The following BRD4 variants were observed in gnomAD, a reference collection of about 807,000 sequenced individuals.
BRD4 encodes bromodomain-containing protein 4.
In BRD4, 16 loss-of-function variants were observed where a neutral mutation model predicts 142.1. The ratio of observed to expected loss-of-function variants is 0.11; its 90% CI spans 0.08 to 0.17. The LOEUF (loss-of-function observed/expected upper bound fraction) is 0.17, where lower values mean the gene tolerates loss of function less well. BRD4 is among the 10% of genes least tolerant of loss of function. BRD4 has a pLI of 1.00. For missense variants in BRD4, 1,424 were observed against 1,810.9 expected (o/e 0.79, Z 3.88); for synonymous variants, 833 against 707.5 (o/e 1.18, Z -2.82).
intron 11 of BRD4, chr19:15,248,856 G>C (rs1194562044): frequency 3.2e-6 from 1 of 316,664 alleles, no homozygotes; most frequent in Admixed American, 4.5e-5. Flanking sequence ...GAGGGAAGTA[G>C]TTAGGGTCCA....
At chr19:15,250,145 CCT>C (rs1466350585) in intron 11 of BRD4, among the ~76,000 whole-genome samples, 1 of 152,198 alleles carries the variant, frequency 6.6e-6, no homozygotes, top group Non-Finnish European at 1.5e-5. Context: ...CCACTGGCGG[CCT>C]CTCACTCTGG....
intron 11 of BRD4, chr19:15,249,190 C>T: frequency 6.2e-7 from 1 of 1,606,084 alleles, no homozygotes; most frequent in South Asian, 1.1e-5. Context: ...AGTCCTGTCC[C>T]TTTCACGGAA....
rs183321935 is a variant in BRD4 at position 15,239,050 on chromosome 19, C to A, written c.3782+9G>T. Reference sequence around the variant, plus strand: ...AGAGTCCCCATGCCCCACCCAGACACCCGCCCACCTCATGCGCTCCTGCCG... The same window carrying A: ...AGAGTCCCCATGCCCCACCCAGACAACCGCCCACCTCATGCGCTCCTGCCG... On this transcript the variant is annotated intron_variant, in intron 18 of 19. Coordinates refer to ENST00000679869, the MANE Select transcript of BRD4 (RefSeq NM_001379291.1). This position sits in a 1 kb window ranked among gnomAD's most constrained non-coding sequence, Gnocchi z 7.4. The A allele has an allele frequency of 1.1e-4, 170 of 1,584,988 alleles. 1 individual carries two copies. In the East Asian group the frequency reaches 1.8e-3, roughly 16 times the overall value.
chr19:15,274,825 C>T (rs1275950435), intron 1 of BRD4, among the ~76,000 whole-genome samples: 1 of 152,066 alleles, frequency 6.6e-6, no homozygotes, highest in East Asian at 1.9e-4. Flanking sequence ...TTCACCTTCT[C>T]ACCAGGCCTA....
At chr19:15,301,867 A>G (rs959253084) in intron 1 of BRD4, among the ~76,000 whole-genome samples, 2 of 137,530 alleles carry the variant, frequency 1.5e-5, no homozygotes, top group Admixed American at 7.1e-5. Context: ...GTCTCAAAGA[A>G]AAAAAAAAAA....
chr19:15,331,789 G>A (rs1261031561), intron 1 of BRD4: 2 of 150,350 alleles, frequency 1.3e-5, no homozygotes, highest in Non-Finnish European at 3.0e-5. Flanking sequence ...GAGGACCGCG[G>A]ACCGGGACAG....
At chr19:15,316,654 C>G (rs578235763) in intron 1 of BRD4, among the ~76,000 whole-genome samples, 1 of 152,332 alleles carries the variant, frequency 6.6e-6, no homozygotes, top group East Asian at 1.9e-4. Context: ...ACTTGGTTCT[C>G]TAGCGGAAAC....
intron 1 of BRD4, among the ~76,000 whole-genome samples, chr19:15,326,226 G>A (rs918674169): frequency 5.4e-5 from 8 of 149,104 alleles, no homozygotes; most frequent in African/African-American, 1.5e-4. Flanking sequence ...ACTTTGGGAC[G>A]CCGAGGTAGG....
At chr19:15,297,307 A>G (rs1029363095) in intron 1 of BRD4, among the ~76,000 whole-genome samples, 18 of 152,138 alleles carry the variant, frequency 1.2e-4, no homozygotes, top group African/African-American at 4.8e-5. Flanking sequence ...GAGCCTTCCA[A>G]GCTGCTCCTT....
At chr19:15,324,441 C>G (rs1199290306) in intron 1 of BRD4, among the ~76,000 whole-genome samples, 1 of 152,224 alleles carries the variant, frequency 6.6e-6, no homozygotes, top group Non-Finnish European at 1.5e-5. Context: ...TTCTTCTGGT[C>G]AAAAGGCCCA....
At chr19:15,293,701 A>C (rs2047801791) in intron 1 of BRD4, among the ~76,000 whole-genome samples, 1 of 152,226 alleles carries the variant, frequency 6.6e-6, no homozygotes, top group South Asian at 2.1e-4. Context: ...TTTTAGGTGT[A>C]CAATTCAGTG....
rs1555749912 is a variant in BRD4 at position 15,332,508 on chromosome 19, G to GCCGCCC, written c.-254_-253insGGGCGG. On this transcript the variant is annotated 5_prime_UTR_variant, in exon 1 of 20. Transcript: ENST00000679869. ...GACCAGAACAAACAGCCCAGCCGCC[G>GCCGCCC]CCGCCGCCGCCGCCGCCGCCGCCAG... 6.4e-6 allele frequency: 1 copy of GCCGCCC among 155,788 alleles called. No individual in the cohort carries two copies. The highest frequency in any genetic ancestry group is 3.0e-5 in the African/African-American group (1 of 33,486). The allele number at this position is 155,788 out of a possible 1,614,324, so 9.7% of individuals were successfully genotyped here.
Position 15,239,352 on chromosome 19 carries a change from G to C in BRD4, c.3576+40C>G, listed in dbSNP as rs1249942537. The C allele has an allele frequency of 1.2e-6, 2 of 1,614,124 alleles. No homozygotes were observed. The highest frequency in any genetic ancestry group is 1.7e-6 in the Non-Finnish European group (2 of 1,180,032). Reference sequence around the variant, plus strand: ...GTGTGCCCAGCATGGCACCTTCCAGGGCCAAGGGGCAAGCGACACCCATGG... The same window carrying C: ...GTGTGCCCAGCATGGCACCTTCCAGCGCCAAGGGGCAAGCGACACCCATGG... On this transcript the variant is annotated intron_variant, in intron 17 of 19. Coordinates refer to ENST00000679869, the MANE Select transcript of BRD4 (RefSeq NM_001379291.1). The surrounding 1 kb of genome is among the most constrained non-coding windows in gnomAD (Gnocchi z 7.4).
At chr19:15,287,939 C>T (rs538639901) in intron 1 of BRD4, among the ~76,000 whole-genome samples, 8 of 151,918 alleles carry the variant, frequency 5.3e-5, no homozygotes, top group Admixed American at 6.6e-5. Context: ...TGGCTAATTT[C>T]TGTATTTTTA....
intron 14 of BRD4, among the ~76,000 whole-genome samples, chr19:15,240,953 T>C (rs2047233498): frequency 6.6e-6 from 1 of 152,208 alleles, no homozygotes; most frequent in Non-Finnish European, 1.5e-5. Context: ...ACAGGCACCC[T>C]TGGGTTCTCC....
At position 15,236,962 on chromosome 19, in the gene BRD4, T is replaced by C. The variant is rs976494190; in HGVS notation, c.*1415A>G. On this transcript the variant is annotated 3_prime_UTR_variant, in exon 20 of 20. Coordinates refer to ENST00000679869, the MANE Select transcript of BRD4 (RefSeq NM_001379291.1). ...ACACTGAGGCACCAGCGTCGTGGTGTAGAGTGGGTTCTCATGGCACGCGTA... is the reference window on the plus strand; with the variant it reads ...ACACTGAGGCACCAGCGTCGTGGTGCAGAGTGGGTTCTCATGGCACGCGTA... The C allele has an allele frequency of 4.9e-6, 1 of 203,892 alleles. No homozygotes were observed. The highest frequency in any genetic ancestry group is 9.9e-6 in the Non-Finnish European group (1 of 101,286). The allele number at this position is 203,892 out of a possible 1,614,324, so 12.6% of individuals were successfully genotyped here. A position where few individuals can be genotyped will look rare whatever the true frequency, so the allele number is the denominator to read the frequency against.
rs183683175 is a variant in BRD4, at chr19:15,247,557, C to T, written c.2159-2795G>A. 1.5e-4 allele frequency: 34 copies of T among 233,078 alleles called. 1 individual carries two copies. The East Asian group carries it at 1.7e-3, about 12-fold the overall frequency. The allele number at this position is 233,078 out of a possible 1,614,324, so 14.4% of individuals were successfully genotyped here. On this transcript the variant is annotated intron_variant, in intron 11 of 19. Transcript: ENST00000679869. The stretch of plus-strand genomic sequence containing the variant: ...CTTGTGGCTATGGCCCATGTGCACA[C>T]GTGTGTGCGCGTGCGTGCGTGTGTC...
intron 11 of BRD4, among the ~76,000 whole-genome samples, chr19:15,251,673 G>A (rs2047348864): frequency 6.6e-6 from 1 of 152,194 alleles, no homozygotes; most frequent in South Asian, 2.1e-4. Context: ...GGACAGGGCA[G>A]CAGAAGGCTG....
intron 9 of BRD4, among the ~76,000 whole-genome samples, 169 bp downstream of exon 9, chr19:15,255,895 G>A (rs930836053): frequency 6.6e-6 from 1 of 152,250 alleles, no homozygotes; most frequent in Non-Finnish European, 1.5e-5. Context: ...CAGAGACAGT[G>A]CAGCTAAGTC....
Sources: allele counts gnomAD v4.1 joint callset (sites outside exome capture counted in the v4.1 genomes callset), GRCh38; gene constraint gnomAD v4.1.1; non-coding constraint Gnocchi (gnomAD v3.1); transcripts MANE v1.5; gene names NCBI Gene and HGNC (gene_info 2026-07-23, HGNC 2026-07-21).